ZNF821: variants seen among roughly 807,000 people sequenced by gnomAD.
ZNF821 encodes zinc finger protein 821.
In ZNF821, 16 loss-of-function variants were observed where a neutral mutation model predicts 44.3. The observed-to-expected ratio is 0.36, with a 90% CI of 0.24 to 0.55. The LOEUF is 0.55. Ranked by LOEUF, ZNF821 falls within the 20% of genes least tolerant of loss-of-function variation. The pLI, the probability that ZNF821 is intolerant of heterozygous loss-of-function variation, is 0.86. For synonymous variants in ZNF821, 204 were observed against 197.6 expected (o/e 1.03, Z -0.27); for missense variants, 436 against 547.6 (o/e 0.80, Z 2.03).
intron 1 of ZNF821, among the ~76,000 whole-genome samples, chr16:71,892,954 C>T (rs1452928909): frequency 6.7e-6 from 1 of 149,106 alleles, no homozygotes; most frequent in Admixed American, 6.7e-5. Flanking sequence ...CGGTTTCGAA[C>T]TCCTAACCTC....
At chr16:71,861,280 T>G (rs972127618) in intron 7 of ZNF821, among the ~76,000 whole-genome samples, 6 of 152,250 alleles carry the variant, frequency 3.9e-5, no homozygotes, top group African/African-American at 1.4e-4. Context: ...ATAAGAGCTT[T>G]GCAGGGGCAG....
chr16:71,863,822 C>T (rs1047876077), intron 6 of ZNF821, among the ~76,000 whole-genome samples: 5 of 152,258 alleles, frequency 3.3e-5, no homozygotes, highest in Middle Eastern at 3.4e-3. Context: ...CACAGCATCC[C>T]GAGTAGCTGG....
chr16:71,864,781 G>A (rs1256175230), intron 5 of ZNF821, 122 bp downstream of exon 5: 1 of 1,238,056 alleles, frequency 8.1e-7, no homozygotes, highest in South Asian at 1.5e-5. Context: ...GAAGGAAGAG[G>A]CCTCCCATGC....
chr16:71,881,485 T>C (rs1289780428), intron 2 of ZNF821: 2 of 152,178 alleles, frequency 1.3e-5, no homozygotes, highest in Admixed American at 6.5e-5. Flanking sequence ...ACAATAAAAA[T>C]CAATTTAAAC....
chr16:71,889,221 A>T (rs889098067), upstream of ZNF821, among the ~76,000 whole-genome samples: 1 of 152,194 alleles, frequency 6.6e-6, no homozygotes, highest in Non-Finnish European at 1.5e-5. Context: ...CTGATGACAG[A>T]GTGAAACCAT....
upstream of ZNF821, among the ~76,000 whole-genome samples, chr16:71,886,241 G>A (rs4788570): frequency 0.8 from 121,661 of 152,146 alleles, 49,025 homozygotes; most frequent in East Asian, 0.98. Context: ...TATTAAATAC[G>A]TAATTAGTTT....
intron 4 of ZNF821, among the ~76,000 whole-genome samples, chr16:71,865,825 G>C (rs2034475116): frequency 6.6e-6 from 1 of 152,196 alleles, no homozygotes; most frequent in Non-Finnish European, 1.5e-5. Flanking sequence ...AGGATGAAAT[G>C]TAATTTCTTG....
chr16:71,861,983 C>T, intron 6 of ZNF821, 41 bp from the exon 7 acceptor site: 3 of 1,602,854 alleles, frequency 1.9e-6, no homozygotes, highest in Non-Finnish European at 2.6e-6. Context: ...TGCGCTACCT[C>T]CAGGACAATC....
intron 4 of ZNF821, among the ~76,000 whole-genome samples, chr16:71,865,872 G>A (rs2034479863): frequency 6.6e-6 from 1 of 152,162 alleles, no homozygotes; most frequent in Non-Finnish European, 1.5e-5. Context: ...TTAGTTTTAG[G>A]GGTAGGATGT....
At chr16:71,895,199 A>G (rs1328746010) in exon 1 of ZNF821, 1 of 195,470 alleles carries the variant, frequency 5.1e-6, no homozygotes, top group Non-Finnish European at 1.1e-5. Flanking sequence ...ATCCGGAACC[A>G]AGGCACTGGG....
upstream of ZNF821, among the ~76,000 whole-genome samples, chr16:71,885,689 C>T (rs972178119): frequency 8.5e-5 from 13 of 152,204 alleles, no homozygotes; most frequent in Admixed American, 2.6e-4. Context: ...AGAATGATTA[C>T]ATTGAGGGAT....
rs2033699809 is a variant in ZNF821 at position 71,860,368 on chromosome 16, G to A, written c.889C>T (p.Arg297Cys). Residue 297 changes from arginine (R) to cysteine (C), a missense_variant, in exon 8 of 8, where the codon CGC becomes TGC. Around this residue, in one of 5 missense-constraint regions of ZNF821, gnomAD observed 72 missense variants for 133.3 expected, o/e 0.54. Transcript: ENST00000425432. This position sits in a 1 kb window ranked among gnomAD's most constrained non-coding sequence, Gnocchi z 7.3. ...NETPEEREVR[R>C]MRDREAKRLQ... The stretch of plus-strand genomic sequence containing the variant: ...CGCTTGGCTTCACGGTCCCTCATGC[G>A]CCTCACCTCCCGCTCCTCGGGGGTC... 5.0e-6 allele frequency: 8 copies of A among 1,611,662 alleles called. No homozygotes were observed. Among genetic ancestry groups the A allele is most frequent in the Non-Finnish European group, 6.8e-6 (8 of 1,180,016 alleles).
At chr16:71,861,360 C>T (rs925272101) in intron 7 of ZNF821, among the ~76,000 whole-genome samples, 5 of 152,228 alleles carry the variant, frequency 3.3e-5, no homozygotes, top group Non-Finnish European at 7.3e-5. Flanking sequence ...CACCAACTCA[C>T]CTCCTTCCCT....
intron 6 of ZNF821, 66 bp from the exon 7 acceptor site, chr16:71,862,008 A>G: frequency 6.4e-7 from 1 of 1,572,534 alleles, no homozygotes; most frequent in Non-Finnish European, 8.7e-7. Flanking sequence ...CCCACTTAGA[A>G]ATGACTTTTG....
chr16:71,864,322 T>G (rs1031254388), intron 5 of ZNF821, 80 bp from the exon 6 acceptor site: 64 of 1,241,468 alleles, frequency 5.2e-5, no homozygotes, highest in Non-Finnish European at 9.4e-6. Flanking sequence ...CAGGGTATCC[T>G]GTTAAAAGGA....
rs377538713 is a variant in ZNF821, at chr16:71,878,153, G to T, written c.40+1754C>A. Among the ~76,000 whole-genome samples, 29 of 146,530 alleles carry T rather than the reference G, an allele frequency of 2.0e-4. 1 individual carries two copies. The East Asian group carries it at 4.5e-3, about 23-fold the overall frequency. On this transcript the variant is annotated intron_variant, in intron 3 of 7. Transcript: ENST00000425432. ...TTTGATGGAGTCTATGTTTGCCCAGGCTGGAGTCAGTGACACGATCTTGGC... is the reference window on the plus strand; with the variant it reads ...TTTGATGGAGTCTATGTTTGCCCAGTCTGGAGTCAGTGACACGATCTTGGC...
At chr16:71,868,127 G>A in intron 3 of ZNF821, 90 bp from the exon 4 acceptor site, 1 of 1,431,544 alleles carries the variant, frequency 7.0e-7, no homozygotes, top group Non-Finnish European at 9.3e-7. Context: ...TTCAAAGGTA[G>A]GAGACAGGCA....
intron 6 of ZNF821, among the ~76,000 whole-genome samples, chr16:71,862,870 T>C (rs1014056569): frequency 6.6e-6 from 1 of 152,168 alleles, no homozygotes; most frequent in Non-Finnish European, 1.5e-5. Context: ...TGGTTCACAC[T>C]AATTTTTAAC....
chr16:71,868,299 T>C (rs1165759202), intron 3 of ZNF821, among the ~76,000 whole-genome samples: 4 of 152,236 alleles, frequency 2.6e-5, no homozygotes, highest in African/African-American at 9.6e-5. Flanking sequence ...GGTGATCAAC[T>C]GCTACTTCAC....
Sources: gnomAD v4.1 joint callset for allele counts (sites outside exome capture counted in the v4.1 genomes callset) on GRCh38, gnomAD v4.1.1 for gene constraint, gnomAD v4.1.1 regional missense constraint, Gnocchi (gnomAD v3.1) non-coding constraint, MANE v1.5 for transcripts, NCBI Gene and HGNC (gene_info 2026-07-23, HGNC 2026-07-21) for gene names.